The following RPS29 variants were observed in gnomAD, a reference collection of about 807,000 sequenced individuals.
RPS29 encodes ribosomal protein S29, also known as small ribosomal subunit protein uS14.
For synonymous variants in RPS29, 37 were observed against 26.9 expected, an observed-to-expected ratio of 1.37 and a Z score of -1.16; for missense variants, 60 against 75.7, an observed-to-expected ratio of 0.79 and a Z score of 0.77.
At chr14:49,574,109 CT>C (rs1261738639) in exon 3 of RPS29, 3 of 152,286 alleles carry the variant, frequency 2.0e-5, no homozygotes, top group African/African-American at 7.2e-5. Flanking sequence ...AGATATTACT[CT>C]TTATGGGCAA....
chr14:49,578,637 T>C (rs1406003303), downstream of RPS29, among the ~76,000 whole-genome samples: 1 of 145,804 alleles, frequency 6.9e-6, no homozygotes, highest in East Asian at 2.0e-4. Flanking sequence ...CTCGATTCAC[T>C]GCAACCTCGC....
chr14:49,596,922 T>C (rs1263968022), intron 1 of RPS29, among the ~76,000 whole-genome samples: 1 of 149,076 alleles, frequency 6.7e-6, no homozygotes, highest in Non-Finnish European at 1.5e-5. Context: ...CTTCTTCTTT[T>C]TTTTTTTTTT....
chr14:49,574,768 G>A (rs1311204393), exon 3 of RPS29: 1 of 152,268 alleles, frequency 6.6e-6, no homozygotes, highest in Non-Finnish European at 1.5e-5. Flanking sequence ...AGCTGACTCA[G>A]AGCAAAGCAC....
At chr14:49,572,447 T>C (rs183340256) in exon 3 of RPS29, 1 of 152,346 alleles carries the variant, frequency 6.6e-6, no homozygotes, top group African/African-American at 2.4e-5. Context: ...TTTATGAGCT[T>C]TTTTTCAAAG....
chr14:49,578,768 C>T (rs960651877), downstream of RPS29, among the ~76,000 whole-genome samples: 2 of 152,032 alleles, frequency 1.3e-5, no homozygotes, highest in Non-Finnish European at 2.9e-5. Context: ...ACCATGTTGA[C>T]CAGGCTGGTC....
exon 3 of RPS29, chr14:49,572,378 G>C (rs1029407690): frequency 1.3e-5 from 2 of 152,208 alleles, no homozygotes; most frequent in African/African-American, 4.8e-5. Context: ...ATTAGTGCAA[G>C]AATTGAATTT....
At chr14:49,588,876 CTTTTTTTT>C (rs577408713), upstream of RPS29, among the ~76,000 whole-genome samples, 32 of 92,504 alleles carry the variant, frequency 3.5e-4, 2 homozygotes, top group South Asian at 7.7e-3. Flanking sequence ...TTTCTGAGTC[CTTTTTTTT>C]TTTTTTTTTT....
downstream of RPS29, among the ~76,000 whole-genome samples, chr14:49,579,345 G>A (rs1303019503): frequency 6.6e-6 from 1 of 152,170 alleles, no homozygotes; most frequent in African/African-American, 2.4e-5. Context: ...TGTTATTTAA[G>A]CCACTCAGTC....
At chr14:49,577,908 A>G in intron 2 of RPS29, 1 of 1,302,610 alleles carries the variant, frequency 7.7e-7, no homozygotes, top group Non-Finnish European at 1.1e-6. Context: ...TGCCCAACCA[A>G]ATTCAATAAA....
chr14:49,579,418 C>T (rs963695533), downstream of RPS29, among the ~76,000 whole-genome samples: 2 of 152,190 alleles, frequency 1.3e-5, no homozygotes, highest in African/African-American at 4.8e-5. Flanking sequence ...AGAATATATC[C>T]TCTGCCAGAG....
chr14:49,583,548 A>T, downstream of RPS29: 1 of 1,034,902 alleles, frequency 9.7e-7, no homozygotes, highest in East Asian at 2.6e-5. Context: ...TAGCTATTCC[A>T]GTCACATTAG....
At chr14:49,581,025 T>A (rs530386851), downstream of RPS29, among the ~76,000 whole-genome samples, 24 of 151,254 alleles carry the variant, frequency 1.6e-4, no homozygotes, top group African/African-American at 5.8e-4. Context: ...CCATCTCTAC[T>A]AAAAATACAA....
At chr14:49,583,484 G>A (rs1022108189), downstream of RPS29, 7 of 561,934 alleles carry the variant, frequency 1.2e-5, no homozygotes, top group African/African-American at 4.0e-5. Flanking sequence ...CCAGCCTGGC[G>A]ACAGAGGGGG....
upstream of RPS29, among the ~76,000 whole-genome samples, chr14:49,591,160 G>GA (rs1297485427): frequency 6.6e-6 from 1 of 151,894 alleles, no homozygotes; most frequent in African/African-American, 2.4e-5. Flanking sequence ...TCAGAAAAAG[G>GA]AAAAAAATAC....
intron 2 of RPS29, among the ~76,000 whole-genome samples, chr14:49,583,949 A>C (rs1420630209): frequency 6.6e-6 from 1 of 152,258 alleles, no homozygotes; most frequent in Non-Finnish European, 1.5e-5. Flanking sequence ...CCAAATGCAC[A>C]GGATAGTTGT....
At position 49,598,663 on chromosome 14, in the gene RPS29, G is replaced by T. The variant is rs1305540176; in HGVS notation, c.-396C>A. The T allele has an allele frequency of 5.7e-6, 4 of 700,514 alleles. No individual in the cohort carries two copies. The African/African-American group carries it at 7.0e-5, about 12-fold the overall frequency. 43.4% of individuals were successfully genotyped at this position (700,514 alleles called of 1,614,324 possible). On this transcript the variant is annotated 5_prime_UTR_variant, in exon 1 of 4. Transcript: ENST00000556230. ...GCCCGCAACGCGTAAAGCGTCAACA[G>T]CTGAAACCCTCGGAATCCTCCCCGA...
rs756378069 is a variant in RPS29, at chr14:49,586,076, C to T, written c.63-27G>A. 2.5e-6 allele frequency: 4 copies of T among 1,597,562 alleles called. No homozygotes were observed. The South Asian group carries it at 4.4e-5, about 18-fold the overall frequency. ...TGTAAGAAAAGAGACAGCGGTTTTG[C>T]AGGTCATAGAAATTACAAGACTCCG... On this transcript the variant is annotated intron_variant, in intron 1 of 2. Coordinates refer to ENST00000245458, the MANE Select transcript of RPS29 (RefSeq NM_001032.5).
chr14:49,586,885 C>CAATA (rs1163161853), upstream of RPS29: 1 of 159,012 alleles, frequency 6.3e-6, no homozygotes, highest in Admixed American at 5.9e-5. Flanking sequence ...CTCTTTTGAA[C>CAATA]AATAAATACG....
At chr14:49,595,643 G>A (rs1881804902) in intron 1 of RPS29, among the ~76,000 whole-genome samples, 1 of 151,932 alleles carries the variant, frequency 6.6e-6, no homozygotes, top group Admixed American at 6.6e-5. Flanking sequence ...TGATGTGACT[G>A]TGATTTTACT....
Sources: gnomAD v4.1 joint callset for allele counts (sites outside exome capture counted in the v4.1 genomes callset) on GRCh38, gnomAD v4.1.1 for gene constraint, MANE v1.5 for transcripts, NCBI Gene and HGNC (gene_info 2026-07-23, HGNC 2026-07-21) for gene names.